The following MRPS27 variants were observed in gnomAD, a reference collection of about 807,000 sequenced individuals.
MRPS27 encodes small ribosomal subunit protein mS27.
In MRPS27, 43 loss-of-function variants were observed where a neutral mutation model predicts 48.9. The observed-to-expected ratio is 0.88, with a 90% CI of 0.69 to 1.13. The LOEUF is 1.13. Ranked by LOEUF, MRPS27 falls within the 50% of genes most tolerant of loss-of-function variation. MRPS27 has a pLI of 0.00. For missense variants in MRPS27, 467 were observed against 476.3 expected (o/e 0.98, Z 0.18); for synonymous variants, 188 against 171.9 (o/e 1.09, Z -0.73).
At chr5:72,265,486 G>A (rs561407813) in intron 4 of MRPS27, among the ~76,000 whole-genome samples, 1 of 152,314 alleles carries the variant, frequency 6.6e-6, no homozygotes, top group African/African-American at 2.4e-5. Flanking sequence ...ATAAATGTAG[G>A]ATTTACATTA....
chr5:72,254,850 C>T (rs1047495390), intron 4 of MRPS27, among the ~76,000 whole-genome samples: 8 of 152,016 alleles, frequency 5.3e-5, no homozygotes, highest in African/African-American at 1.2e-4. Context: ...ATTCAAGAAT[C>T]GGTTCTGTTG....
At chr5:72,312,670 GAGTGT>G (rs1750470826) in intron 2 of MRPS27, among the ~76,000 whole-genome samples, 1 of 149,930 alleles carries the variant, frequency 6.7e-6, no homozygotes, top group Non-Finnish European at 1.5e-5. Flanking sequence ...GCCCAGGCTA[GAGTGT>G]AGTGGCAAGA....
chr5:72,271,193 T>C (rs1749231894), intron 4 of MRPS27, among the ~76,000 whole-genome samples: 1 of 152,176 alleles, frequency 6.6e-6, no homozygotes, highest in Admixed American at 6.5e-5. Flanking sequence ...AGAGTAAATG[T>C]ATTTCTCGTC....
At chr5:72,259,230 A>T (rs1362112193) in intron 4 of MRPS27, among the ~76,000 whole-genome samples, 1 of 152,164 alleles carries the variant, frequency 6.6e-6, no homozygotes, top group Non-Finnish European at 1.5e-5. Context: ...GCACTTTGGG[A>T]GGCTGAGGCA....
At chr5:72,247,715 A>T (rs1580068362) in intron 4 of MRPS27, among the ~76,000 whole-genome samples, 1 of 152,350 alleles carries the variant, frequency 6.6e-6, no homozygotes, top group African/African-American at 2.4e-5. Context: ...ATTTCAGTGC[A>T]ATTCATCTTA....
intron 4 of MRPS27, among the ~76,000 whole-genome samples, chr5:72,268,984 T>C (rs1187008837): frequency 2.0e-5 from 3 of 152,288 alleles, no homozygotes; most frequent in African/African-American, 7.2e-5. Flanking sequence ...TGATGTAAAC[T>C]AGTCAGTTCT....
At chr5:72,241,787 A>C in intron 4 of MRPS27, 2 of 1,173,804 alleles carry the variant, frequency 1.7e-6, no homozygotes, top group Non-Finnish European at 2.4e-6. Context: ...TGCTCTGACC[A>C]CCAGCCTGGC....
At chr5:72,227,429 C>T (rs1747931438) in intron 8 of MRPS27, 1 of 152,196 alleles carries the variant, frequency 6.6e-6, no homozygotes, top group African/African-American at 2.4e-5. Flanking sequence ...AGAATCAGCA[C>T]CAAGAATAAC....
chr5:72,237,867 C>CA, intron 5 of MRPS27, 147 bp downstream of exon 5: 1 of 563,788 alleles, frequency 1.8e-6, no homozygotes, highest in Middle Eastern at 4.5e-4. Context: ...AACTTATACC[C>CA]AGCTCCATTC....
intron 4 of MRPS27, among the ~76,000 whole-genome samples, chr5:72,253,598 G>T (rs963616320): frequency 6.6e-6 from 1 of 151,926 alleles, no homozygotes; most frequent in African/African-American, 2.4e-5. Flanking sequence ...CACCACAAAG[G>T]CCAAAAATAA....
At chr5:72,262,388 C>T (rs940682909) in intron 4 of MRPS27, among the ~76,000 whole-genome samples, 7 of 152,014 alleles carry the variant, frequency 4.6e-5, no homozygotes, top group Admixed American at 2.0e-4. Context: ...GCATCCCCTT[C>T]CCCAGAAAAA....
rs988361260 is a variant in MRPS27 at position 72,317,457 on chromosome 5, C to T, written c.73+2692G>A. ...TGGCATGATCTCAGCTCACTGCAAC[C>T]GGAAGGCGGAGGCCTTCCAGGTTCA... On this transcript the variant is annotated intron_variant, in intron 1 of 10. Coordinates refer to ENST00000261413, the MANE Select transcript of MRPS27 (RefSeq NM_015084.3). 4.6e-5 allele frequency among the ~76,000 whole-genome samples: 7 copies of T among 152,064 alleles called. No individual in the cohort carries two copies. The East Asian group carries it at 1.2e-3, about 25-fold the overall frequency.
chr5:72,262,352 T>A (rs1331147648), intron 4 of MRPS27, among the ~76,000 whole-genome samples: 1 of 151,894 alleles, frequency 6.6e-6, no homozygotes, highest in Non-Finnish European at 1.5e-5. Context: ...TATGCTGAGG[T>A]TTTTTGTGAG....
chr5:72,286,028 C>T (rs931508996), intron 4 of MRPS27, among the ~76,000 whole-genome samples: 3 of 152,148 alleles, frequency 2.0e-5, no homozygotes, highest in Non-Finnish European at 2.9e-5. Flanking sequence ...TAAATTTTCC[C>T]GCAATGGAAA....
intron 4 of MRPS27, among the ~76,000 whole-genome samples, chr5:72,269,345 G>A (rs1029230796): frequency 6.6e-6 from 1 of 152,110 alleles, no homozygotes; most frequent in Non-Finnish European, 1.5e-5. Context: ...CCACCATCTC[G>A]CCCCCTGCTG....
intron 4 of MRPS27, among the ~76,000 whole-genome samples, chr5:72,269,199 TA>T (rs1749172968): frequency 6.6e-6 from 1 of 152,232 alleles, no homozygotes. Context: ...CACTGTGTAC[TA>T]AGGTACAAGG....
chr5:72,254,370 C>G (rs1037773194), intron 4 of MRPS27, among the ~76,000 whole-genome samples: 1 of 151,918 alleles, frequency 6.6e-6, no homozygotes, highest in Non-Finnish European at 1.5e-5. Flanking sequence ...GGTGTGCACA[C>G]ACACACATAT....
chr5:72,302,717 C>T (rs898016661), intron 2 of MRPS27, among the ~76,000 whole-genome samples: 3 of 152,276 alleles, frequency 2.0e-5, no homozygotes, highest in Non-Finnish European at 2.9e-5. Flanking sequence ...CTTTTGAGAG[C>T]ATGTGATGAT....
chr5:72,318,546 G>A (rs1001769237), intron 1 of MRPS27, among the ~76,000 whole-genome samples: 2 of 152,242 alleles, frequency 1.3e-5, no homozygotes, highest in African/African-American at 4.8e-5. Flanking sequence ...CGTAATCCCA[G>A]CACCTTGGGA....
Sources: gnomAD v4.1 joint callset for allele counts (sites outside exome capture counted in the v4.1 genomes callset) on GRCh38, gnomAD v4.1.1 for gene constraint, MANE v1.5 for transcripts, NCBI Gene and HGNC (gene_info 2026-07-23, HGNC 2026-07-21) for gene names.